AFF3: variants seen among roughly 807,000 people sequenced by gnomAD.
AFF3 encodes AF4/FMR2 family member 3.
AFF3 carries 32 observed loss-of-function variants against 129.7 expected under a neutral mutation model. That is an observed-to-expected ratio of 0.25 (90% CI 0.19 to 0.33). The LOEUF (loss-of-function observed/expected upper bound fraction) is 0.33, where lower values mean the gene tolerates loss of function less well. AFF3 is among the 10% of genes least tolerant of loss of function. The pLI is 1.00. For missense variants in AFF3, 1,373 were observed against 1,592.0 expected (o/e 0.86, Z 2.34); for synonymous variants, 644 against 635.4 (o/e 1.01, Z -0.20).
At chr2:99,563,731 A>G (rs918289859) in intron 20 of AFF3, among the ~76,000 whole-genome samples, 6 of 145,292 alleles carry the variant, frequency 4.1e-5, no homozygotes, top group Non-Finnish European at 8.9e-5. Context: ...AATCACTTGA[A>G]CTCGGGAGGC....
intron 12 of AFF3, among the ~76,000 whole-genome samples, chr2:99,650,667 G>A (rs915965365): frequency 1.3e-5 from 2 of 152,080 alleles, no homozygotes; most frequent in African/African-American, 4.8e-5. Flanking sequence ...AACTGCTGAC[G>A]TTAGGCGATG....
chr2:99,848,231 C>T (rs2105853206), intron 7 of AFF3, among the ~76,000 whole-genome samples: 1 of 150,808 alleles, frequency 6.6e-6, no homozygotes, highest in South Asian at 2.1e-4. Flanking sequence ...GCCTGAGCAA[C>T]AGAGCCAGAC....
In AFF3 at chr2:100,006,886, T is replaced by C. The variant is rs752693273; in HGVS notation, c.619A>G (p.Ser207Gly). ...TTCTGAACACAGTGTCCGCTGCTGC[T>C]GTGCTTGGCCGCCATGGCAGGTGGC... ...ERPPAMAAKH[S>G]SSGHCVQNFP... is the part of the protein sequence containing the mutation. Residue 207 changes from serine (S) to glycine (G), a missense_variant, in exon 7 of 25, where the codon AGC becomes GGC. This residue lies in a region of AFF3 where 255 missense variants were observed against 256.0 expected (regional missense o/e 1.00). Transcript: ENST00000672756. The C allele has an allele frequency of 1.9e-6, 3 of 1,614,094 alleles. No homozygotes were observed. Among genetic ancestry groups the C allele is most frequent in the East Asian group, 2.2e-5 (1 of 44,892 alleles).
At chr2:99,713,274 T>A (rs1282762733) in intron 11 of AFF3, among the ~76,000 whole-genome samples, 3 of 151,058 alleles carry the variant, frequency 2.0e-5, no homozygotes, top group African/African-American at 7.3e-5. Context: ...GTTAATTTTT[T>A]TTTTTTTTTT....
At chr2:100,115,258 T>G (rs1346136169) in intron 2 of AFF3, among the ~76,000 whole-genome samples, 3 of 152,160 alleles carry the variant, frequency 2.0e-5, no homozygotes, top group African/African-American at 7.2e-5. Flanking sequence ...TAAAAATATG[T>G]GTATACCAGC....
intron 2 of AFF3, among the ~76,000 whole-genome samples, chr2:100,108,395 A>T (rs1356540165): frequency 1.3e-5 from 2 of 152,022 alleles, no homozygotes; most frequent in Non-Finnish European, 2.9e-5. Flanking sequence ...TCCCGAGCAG[A>T]TGGTGTGGCT....
At chr2:99,975,868 G>GAAAAAAAAAAAAAAA (rs5832890) in intron 7 of AFF3, among the ~76,000 whole-genome samples, 4 of 74,532 alleles carry the variant, frequency 5.4e-5, no homozygotes, top group Non-Finnish European at 6.0e-5. Context: ...AGATTAAAAT[G>GAAAAAAAAAAAAAAA]AAAAAAAAAA....
Position 99,742,691 on chromosome 2 carries a change from A to AT in AFF3, c.1039+1412dup, listed in dbSNP as rs1418783100. Among the ~76,000 whole-genome samples, 8 of 152,262 alleles carry AT rather than the reference A, an allele frequency of 5.3e-5. No individual in the cohort carries two copies. In the South Asian group the frequency reaches 1.0e-3, roughly 20 times the overall value. ...GCCCTGAATTCAAATTCTAGCTGTC[A>AT]TTTTTTTAGCCAGGTGATTAAAAAA... On this transcript the variant is annotated intron_variant, in intron 10 of 24. Transcript: ENST00000672756.
Position 100,006,613 on chromosome 2 carries a change from G to A in AFF3, c.873+19C>T, listed in dbSNP as rs554654352. 139 of 1,587,428 alleles carry A rather than the reference G, an allele frequency of 8.8e-5. 3 individuals are homozygous for A. The South Asian group carries it at 1.0e-3, about 12-fold the overall frequency. ...TGTAACTATGCAGTTGCATGTGAAC[G>A]GTGCTGATAAAGACTCACCTCCCCC... is the stretch of plus-strand genomic sequence containing the variant. On this transcript the variant is annotated intron_variant, in intron 7 of 24. Transcript: ENST00000672756.
rs566457746 is a variant in AFF3, at chr2:99,707,458, G to C, written c.1091+19619C>G. ...AGATAATTTTTTTGCATTTCAGCAC[G>C]AGGCAAACAAACAAAAGGTTATCCA... On this transcript the variant is annotated intron_variant, in intron 11 of 24. Coordinates refer to ENST00000672756, the MANE Select transcript of AFF3 (RefSeq NM_001386135.1). 7.1e-6 allele frequency: 7 copies of C among 985,072 alleles called. No individual in the cohort carries two copies. The African/African-American group carries it at 1.2e-4, about 17-fold the overall frequency. The allele number at this position is 985,072 out of a possible 1,614,324, so 61.0% of individuals were successfully genotyped here.
chr2:99,632,357 G>A (rs1420576628), intron 13 of AFF3, among the ~76,000 whole-genome samples: 2 of 152,202 alleles, frequency 1.3e-5, no homozygotes, highest in Middle Eastern at 3.4e-3. Flanking sequence ...GTCCTAATGG[G>A]TGTGATAAGG....
intron 8 of AFF3, among the ~76,000 whole-genome samples, chr2:99,793,064 T>C (rs1466790926): frequency 6.6e-6 from 1 of 152,210 alleles, no homozygotes; most frequent in Non-Finnish European, 1.5e-5. Flanking sequence ...CCCCTGGTGT[T>C]GGAGGTGGGG....
intron 7 of AFF3, among the ~76,000 whole-genome samples, chr2:99,911,292 G>A (rs1156676096): frequency 6.6e-6 from 1 of 152,098 alleles, no homozygotes; most frequent in Non-Finnish European, 1.5e-5. Context: ...GGAGGCTGAG[G>A]CAGGAGCATC....
At chr2:99,672,778 G>GC (rs1166066452) in intron 11 of AFF3, among the ~76,000 whole-genome samples, 189 bp from the exon 12 acceptor site, 1 of 152,062 alleles carries the variant, frequency 6.6e-6, no homozygotes, top group Non-Finnish European at 1.5e-5. Flanking sequence ...ATAGTAGACA[G>GC]CCCCATCATA....
intron 7 of AFF3, among the ~76,000 whole-genome samples, chr2:99,912,613 A>C (rs1284121642): frequency 6.6e-6 from 1 of 152,182 alleles, no homozygotes; most frequent in African/African-American, 2.4e-5. Context: ...TCGAGATCAG[A>C]AATCACTAGG....
intron 7 of AFF3, among the ~76,000 whole-genome samples, chr2:99,946,785 A>G (rs1483854077): frequency 6.6e-6 from 1 of 152,208 alleles, no homozygotes; most frequent in East Asian, 1.9e-4. Flanking sequence ...GATAAGTCAT[A>G]CTTAACCTAC....
intron 4 of AFF3, chr2:100,011,601 T>C: frequency 1.3e-6 from 1 of 780,544 alleles, no homozygotes; most frequent in Non-Finnish European, 2.4e-6. Flanking sequence ...CACAAGAAGC[T>C]GAAACACTTT....
intron 4 of AFF3, among the ~76,000 whole-genome samples, chr2:100,069,947 C>T (rs954673056): frequency 4.6e-5 from 7 of 152,152 alleles, no homozygotes; most frequent in East Asian, 1.9e-4. Flanking sequence ...CTCTGTATCA[C>T]GCAGTTACAC....
At chr2:99,805,612 C>G (rs551255588) in intron 8 of AFF3, among the ~76,000 whole-genome samples, 19 of 152,280 alleles carry the variant, frequency 1.2e-4, no homozygotes, top group Admixed American at 9.2e-4. Flanking sequence ...CCACAATCAA[C>G]ACCACAGCCG....
Sources: gnomAD v4.1 joint callset for allele counts (sites outside exome capture counted in the v4.1 genomes callset) on GRCh38, gnomAD v4.1.1 for gene constraint, gnomAD v4.1.1 regional missense constraint, MANE v1.5 for transcripts, NCBI Gene and HGNC (gene_info 2026-07-23, HGNC 2026-07-21) for gene names.